The following PRR5L variants were observed in gnomAD, a reference collection of about 807,000 sequenced individuals.
PRR5L encodes the protein proline rich 5 like.
Under a neutral mutation model 36.4 loss-of-function variants are expected in PRR5L, and 21 were observed. That is an observed-to-expected ratio of 0.58 (90% CI 0.41 to 0.83). The LOEUF (loss-of-function observed/expected upper bound fraction) is 0.83, where lower values mean the gene tolerates loss of function less well. PRR5L is among the 40% of genes least tolerant of loss of function. The pLI, the probability that PRR5L is intolerant of heterozygous loss-of-function variation, is 0.00. For missense variants in PRR5L, 381 were observed against 473.3 expected, an observed-to-expected ratio of 0.80 and a Z score of 1.81; for synonymous variants, 188 against 197.0, an observed-to-expected ratio of 0.95 and a Z score of 0.38.
At chr11:36,323,737 A>T (rs1856634980) in intron 1 of PRR5L, among the ~76,000 whole-genome samples, 1 of 152,168 alleles carries the variant, frequency 6.6e-6, no homozygotes, top group African/African-American at 2.4e-5. Context: ...GCCTACTAAA[A>T]ATTATTTGAA....
chr11:36,431,806 G>T lies in PRR5L; in HGVS notation c.295-47G>T, dbSNP rs891789481. 4.5e-6 allele frequency: 7 copies of T among 1,568,452 alleles called. No individual in the cohort carries two copies. The Admixed American group carries it at 8.3e-5, about 19-fold the overall frequency. Reference sequence around the variant, plus strand: ...AAGTGGAAGAGGGTTCATCACTTACGCTCTGGAGTTGTCCAAATTCTTATG... The same window carrying T: ...AAGTGGAAGAGGGTTCATCACTTACTCTCTGGAGTTGTCCAAATTCTTATG... On this transcript the variant is annotated intron_variant, in intron 4 of 8. Transcript: ENST00000530639.
intron 1 of PRR5L, among the ~76,000 whole-genome samples, chr11:36,378,442 C>CCAACTGCAACCATTGTTCTTT (rs1333902479): frequency 6.6e-6 from 1 of 152,134 alleles, no homozygotes; most frequent in Non-Finnish European, 1.5e-5. Flanking sequence ...TTCAGTTTTT[C>CCAACTGCAACCATTGTTCTTT]CAACTGCAAC....
chr11:36,359,975 T>G (rs1162303273), intron 1 of PRR5L, among the ~76,000 whole-genome samples: 2 of 151,600 alleles, frequency 1.3e-5, no homozygotes, highest in Non-Finnish European at 2.9e-5. Context: ...AGGCAGAGGT[T>G]GCAGTGAGCC....
intron 1 of PRR5L, among the ~76,000 whole-genome samples, chr11:36,325,646 C>A (rs117920504): frequency 2.0e-4 from 31 of 152,254 alleles, no homozygotes; most frequent in Non-Finnish European, 3.1e-4. Context: ...TCTGATTGGT[C>A]GGGTGTGAGC....
rs565538784 is a variant in PRR5L, at chr11:36,441,727, T to TGGTAGGC, written c.444+4252_444+4258dup. Among the ~76,000 whole-genome samples the TGGTAGGC allele has an allele frequency of 7.9e-5, 12 of 152,294 alleles. No individual in the cohort carries two copies. In the South Asian group the frequency reaches 2.5e-3, roughly 32 times the overall value. ...TCTCTTTGTGGGGGCTCCACCCCTGTGGTAGGCTTCTGCTTGGGCACCCAG... is the reference window on the plus strand; with the variant it reads ...TCTCTTTGTGGGGGCTCCACCCCTGTGGTAGGCGGTAGGCTTCTGCTTGGGCACCCAG... On this transcript the variant is annotated intron_variant, in intron 6 of 8. Coordinates refer to ENST00000530639, the MANE Select transcript of PRR5L (RefSeq NM_001160167.2).
intron 4 of PRR5L, among the ~76,000 whole-genome samples, chr11:36,422,554 G>C (rs1032586939): frequency 6.6e-6 from 1 of 152,146 alleles, no homozygotes; most frequent in African/African-American, 2.4e-5. Context: ...CTCTGAGCTT[G>C]CCACTCATAC....
At position 36,377,497 on chromosome 11, in the gene PRR5L, C is replaced by T. The variant is rs1857288078; in HGVS notation, c.-125-23500C>T. The T allele has an allele frequency of 6.6e-6, 1 of 152,304 alleles. No homozygotes were observed. Among genetic ancestry groups the T allele is most frequent in the African/African-American group, 2.4e-5 (1 of 41,464 alleles). 9.4% of individuals were successfully genotyped at this position (152,304 alleles called of 1,614,324 possible). On this transcript the variant is annotated intron_variant, in intron 1 of 8. Transcript: ENST00000530639. This position sits in a 1 kb window ranked among gnomAD's most constrained non-coding sequence, Gnocchi z 5.1. Reference sequence around the variant, plus strand: ...AGGGGCCCCGCCCGGGCAGCTGGGACCCTGCCTGCCCAACCCTCCGGCCCA... The same window carrying T: ...AGGGGCCCCGCCCGGGCAGCTGGGATCCTGCCTGCCCAACCCTCCGGCCCA...
At chr11:36,346,289 A>G (rs1229009959) in intron 1 of PRR5L, among the ~76,000 whole-genome samples, 1 of 152,134 alleles carries the variant, frequency 6.6e-6, no homozygotes, top group East Asian at 1.9e-4. Context: ...AGGATTTAAG[A>G]AATAAGTGTT....
intron 1 of PRR5L, among the ~76,000 whole-genome samples, chr11:36,351,016 A>C (rs1395330907): frequency 1.4e-5 from 1 of 73,860 alleles, no homozygotes; most frequent in Non-Finnish European, 2.3e-5. Flanking sequence ...TTATATAGTT[A>C]TATATTTATA....
chr11:36,456,470 C>G (rs1033486028), intron 8 of PRR5L, among the ~76,000 whole-genome samples: 95 of 152,204 alleles, frequency 6.2e-4, no homozygotes, highest in African/African-American at 1.9e-3. Flanking sequence ...AAGCACAGCC[C>G]ATCTGAAATA....
intron 4 of PRR5L, among the ~76,000 whole-genome samples, chr11:36,423,936 G>A (rs1157644462): frequency 6.6e-6 from 1 of 152,198 alleles, no homozygotes; most frequent in Admixed American, 6.5e-5. Flanking sequence ...ACCCCTGGGT[G>A]TCTTGGGCTA....
chr11:36,323,928 T>C (rs1486666661), intron 1 of PRR5L, among the ~76,000 whole-genome samples: 4 of 152,186 alleles, frequency 2.6e-5, no homozygotes, highest in African/African-American at 9.7e-5. Flanking sequence ...TAATACCGTG[T>C]ATTGGCAAGG....
chr11:36,367,923 C>T (rs553899684), intron 1 of PRR5L, among the ~76,000 whole-genome samples: 1 of 150,804 alleles, frequency 6.6e-6, no homozygotes, highest in East Asian at 2.0e-4. Flanking sequence ...GGATGACCAG[C>T]CGTGGGTTAA....
At position 36,446,443 on chromosome 11, in the gene PRR5L, G is replaced by A. The variant is rs1423946393; in HGVS notation, c.585+3G>A. On this transcript the variant is annotated splice_donor_region_variant and intron_variant, in intron 7 of 8. Transcript: ENST00000530639. ...TCCAGATGTTGCTCATCCTGCAGGT[G>A]AGGCTGTGCTGGAGACTTGCCCCAA... 2.5e-6 allele frequency: 4 copies of A among 1,613,922 alleles called. No individual in the cohort carries two copies. The highest frequency in any genetic ancestry group is 1.3e-5 in the African/African-American group (1 of 74,936).
chr11:36,374,122 CTT>C (rs879849539), intron 1 of PRR5L, among the ~76,000 whole-genome samples: 5,924 of 99,798 alleles, frequency 0.059, 209 homozygotes, highest in East Asian at 0.15. Context: ...CTCTCTCTCT[CTT>C]TCTTTCTTTG....
At chr11:36,402,402 C>A (rs536723215) in intron 2 of PRR5L, among the ~76,000 whole-genome samples, 4 of 152,148 alleles carry the variant, frequency 2.6e-5, no homozygotes, top group Non-Finnish European at 5.9e-5. Context: ...TGCCACCACA[C>A]CTGACTGATT....
At chr11:36,453,357 A>G (rs1017144061) in intron 8 of PRR5L, among the ~76,000 whole-genome samples, 11 of 152,196 alleles carry the variant, frequency 7.2e-5, no homozygotes, top group Non-Finnish European at 1.3e-4. Context: ...ACAAGAGTCA[A>G]TTGGGAAGTT....
intron 3 of PRR5L, among the ~76,000 whole-genome samples, chr11:36,413,287 C>G (rs914224032): frequency 6.6e-6 from 1 of 152,160 alleles, no homozygotes; most frequent in African/African-American, 2.4e-5. Context: ...CAGCTTGAGG[C>G]AGGTCTGGAT....
intron 4 of PRR5L, among the ~76,000 whole-genome samples, chr11:36,420,456 T>C (rs1368599146): frequency 6.6e-6 from 1 of 152,186 alleles, no homozygotes; most frequent in Non-Finnish European, 1.5e-5. Context: ...CTGTATTTCC[T>C]TTTCTGTGAA....
Sources: allele counts gnomAD v4.1 joint callset (sites outside exome capture counted in the v4.1 genomes callset), GRCh38; gene constraint gnomAD v4.1.1; non-coding constraint Gnocchi (gnomAD v3.1); transcripts MANE v1.5; gene names NCBI Gene and HGNC (gene_info 2026-07-23, HGNC 2026-07-21).